STEAP1: variants seen among roughly 807,000 people sequenced by gnomAD.
The protein encoded by STEAP1 is STEAP1 protein.
A neutral mutation model predicts 34.4 loss-of-function variants in STEAP1; 30 were observed. That is an observed-to-expected ratio of 0.87 (90% CI 0.65 to 1.18). STEAP1 has a LOEUF of 1.18. Among genes scored for constraint, STEAP1 ranks in the 50% most tolerant of loss-of-function variants. The pLI is 0.00. For synonymous variants in STEAP1, 116 were observed against 135.3 expected, an observed-to-expected ratio of 0.86 and a Z score of 0.99; for missense variants, 318 against 391.1, an observed-to-expected ratio of 0.81 and a Z score of 1.58.
At chr7:90,157,275 T>C (rs545430467) in intron 1 of STEAP1, among the ~76,000 whole-genome samples, 1 of 152,340 alleles carries the variant, frequency 6.6e-6, no homozygotes, top group African/African-American at 2.4e-5. Flanking sequence ...GACTCTTCTG[T>C]GTCTTTCTCT....
rs147507198 is a variant in STEAP1, at chr7:90,164,531, G to A, written c.817G>A (p.Ala273Thr). Residue 273 changes from alanine to threonine, a missense_variant, in exon 5 of 5, where the codon GCC (alanine) becomes ACC (threonine). By Grantham distance (58) the Ala-to-Thr change is moderately conservative (BLOSUM62 0). Transcript: ENST00000297205. Reference protein sequence around the residue: ...LLGTIHALIFAWNKWIDIKQF... With the variant: ...LLGTIHALIFTWNKWIDIKQF... ...GGGCACAATACACGCATTGATTTTT[G>A]CCTGGAATAAGTGGATAGATATAAA... 3.7e-6 allele frequency: 6 copies of A among 1,612,864 alleles called. No individual in the cohort carries two copies. The African/African-American group carries it at 8.0e-5, about 22-fold the overall frequency.
chr7:90,163,816 C>T (rs1202385440), intron 4 of STEAP1, among the ~76,000 whole-genome samples: 1 of 152,196 alleles, frequency 6.6e-6, no homozygotes, highest in Non-Finnish European at 1.5e-5. Flanking sequence ...TGTTTCATCA[C>T]ATCTCTGGAT....
intron 1 of STEAP1, among the ~76,000 whole-genome samples, chr7:90,158,450 T>TC (rs1308819698): frequency 6.6e-6 from 1 of 151,558 alleles, no homozygotes; most frequent in Non-Finnish European, 1.5e-5. Flanking sequence ...TATTTCTAAT[T>TC]TTTTTTTTCT....
At chr7:90,159,893 A>G (rs1231577891) in intron 2 of STEAP1, 21 bp downstream of exon 2, 1 of 1,378,268 alleles carries the variant, frequency 7.3e-7, no homozygotes, top group African/African-American at 1.5e-5. Flanking sequence ...AATAATAACA[A>G]TAATAAATAA....
At chr7:90,156,647 A>T (rs1794123079) in intron 1 of STEAP1, among the ~76,000 whole-genome samples, 1 of 152,232 alleles carries the variant, frequency 6.6e-6, no homozygotes, top group East Asian at 1.9e-4. Context: ...GCTCCTTATG[A>T]GAATCTAACT....
At chr7:90,162,411 C>T (rs1477342977) in intron 4 of STEAP1, among the ~76,000 whole-genome samples, 1 of 151,954 alleles carries the variant, frequency 6.6e-6, no homozygotes, top group Non-Finnish European at 1.5e-5. Context: ...TCACTGCAAC[C>T]TGCGCCTCCT....
At position 90,159,742 on chromosome 7, in the gene STEAP1, AT is replaced by A. The variant is rs1794157481; in HGVS notation, c.-31-11del. 2 of 1,337,702 alleles carry A rather than the reference AT, an allele frequency of 1.5e-6. No individual in the cohort carries two copies. 82.9% of individuals were successfully genotyped at this position (1,337,702 alleles called of 1,614,324 possible). A position where few individuals can be genotyped will look rare whatever the true frequency, so the allele number is the denominator to read the frequency against. ...AAGTAGAATGGACATGAAAGTAATT[AT>A]TTTTATTTTTACAGGTGGCTGAAGC... On this transcript the variant is annotated splice_polypyrimidine_tract_variant and intron_variant, in intron 1 of 4. Coordinates refer to ENST00000297205, the MANE Select transcript of STEAP1 (RefSeq NM_012449.3).
intron 4 of STEAP1, chr7:90,162,308 T>TTG (rs1554336335): frequency 6.5e-5 from 39 of 596,782 alleles, no homozygotes; most frequent in Middle Eastern, 6.0e-4. Context: ...TGTTTTTTTT[T>TTG]TTTGTTTGTT....
chr7:90,162,705 T>C (rs1355032380), intron 4 of STEAP1, among the ~76,000 whole-genome samples: 2 of 152,180 alleles, frequency 1.3e-5, no homozygotes, highest in African/African-American at 4.8e-5. Flanking sequence ...CCAATATGCA[T>C]GGTTTATTAT....
intron 4 of STEAP1, among the ~76,000 whole-genome samples, chr7:90,162,580 C>T (rs545686825): frequency 2.4e-4 from 36 of 152,190 alleles, no homozygotes; most frequent in Admixed American, 4.6e-4. Flanking sequence ...CCGCCCACCT[C>T]GGCCTCCCAA....
Position 90,161,114 on chromosome 7 carries a change from C to A in STEAP1, c.394C>A (p.Pro132Thr), listed in dbSNP as rs1328823967. ...CACTCTCTTGGCATTGGTTTACCTGCCAGGTGTGATAGCAGCAATTGTCCA... is the reference window on the plus strand; with the variant it reads ...CACTCTCTTGGCATTGGTTTACCTGACAGGTGTGATAGCAGCAATTGTCCA... ...SITLLALVYL[P>T]GVIAAIVQLH... The change falls in exon 3 of 5, where the codon CCA (proline) becomes ACA (threonine). Residue 132 changes from proline (P) to threonine (T), a missense_variant. Pro to Thr is a conservative substitution (Grantham distance 38). Transcript: ENST00000297205. 1 of 1,613,986 alleles carries A rather than the reference C, an allele frequency of 6.2e-7. No individual in the cohort carries two copies.
Position 90,164,239 on chromosome 7 carries a change from C to T in STEAP1, c.763-238C>T, listed in dbSNP as rs576573146. Among the ~76,000 whole-genome samples the T allele has an allele frequency of 3.9e-5, 6 of 152,112 alleles. No individual in the cohort carries two copies. In the East Asian group the frequency reaches 1.2e-3, roughly 29 times the overall value. Reference sequence around the variant, plus strand: ...GACAAAGTTTTTGATCACCTGCCTTCAAAGAAAGGCTGTGAATTTTGTTCA... The same window carrying T: ...GACAAAGTTTTTGATCACCTGCCTTTAAAGAAAGGCTGTGAATTTTGTTCA... On this transcript the variant is annotated intron_variant, in intron 4 of 4. Coordinates refer to ENST00000297205, the MANE Select transcript of STEAP1 (RefSeq NM_012449.3).
At position 90,162,075 on chromosome 7, in the gene STEAP1, T is replaced by A; in HGVS notation, c.759T>A (p.Ile253=). 2 of 1,599,444 alleles carry A rather than the reference T, an allele frequency of 1.3e-6. No individual in the cohort carries two copies. The change falls in exon 4 of 5, where the codon ATT becomes ATA. Residue 253 remains isoleucine, a synonymous_variant. Coordinates refer to ENST00000297205, the MANE Select transcript of STEAP1 (RefSeq NM_012449.3). Reference sequence around the variant, plus strand: ...TGACATGGAGAGAATTTCACTATATTCAGGTAAATAATATATAAAATAACC... The same window carrying A: ...TGACATGGAGAGAATTTCACTATATACAGGTAAATAATATATAAAATAACC... ...DSLTWREFHY[I]QSKLGIVSLL...
At chr7:90,162,937 T>C (rs1288588734) in intron 4 of STEAP1, 1 of 315,264 alleles carries the variant, frequency 3.2e-6, no homozygotes, top group Admixed American at 3.2e-5. Flanking sequence ...ATTTTAAAAA[T>C]ATCTCAGATT....
In STEAP1 at chr7:90,164,579, C is replaced by G. The variant is rs1450129185; in HGVS notation, c.865C>G (p.Pro289Ala). 1 of 1,613,782 alleles carries G rather than the reference C, an allele frequency of 6.2e-7. No homozygotes were observed. The highest frequency in any genetic ancestry group is 1.7e-5 in the Admixed American group (1 of 60,002). ...DIKQFVWYTP[P>A]TFMIAVFLPI... ...AAAACAATTTGTATGGTATACACCTCCAACTTTTATGATAGCTGTTTTCCT... is the reference window on the plus strand; with the variant it reads ...AAAACAATTTGTATGGTATACACCTGCAACTTTTATGATAGCTGTTTTCCT... Residue 289 changes from proline to alanine, a missense_variant, in exon 5 of 5, where the codon CCA becomes GCA. Coordinates refer to ENST00000297205, the MANE Select transcript of STEAP1 (RefSeq NM_012449.3).
At position 90,161,972 on chromosome 7, in the gene STEAP1, A is replaced by T; in HGVS notation, c.656A>T (p.Tyr219Phe). 6.2e-7 allele frequency: 1 copy of T among 1,613,818 alleles called. No homozygotes were observed. The highest frequency in any genetic ancestry group is 8.5e-7 in the Non-Finnish European group (1 of 1,179,800). Residue 219 changes from tyrosine to phenylalanine, a missense_variant, in exon 4 of 5, where the codon TAT becomes TTT. Transcript: ENST00000297205. ...CATGATGTTTGGAGAATGGAGATTTATGTGTCTCTGGGAATTGTGGGATTG... is the reference window on the plus strand; with the variant it reads ...CATGATGTTTGGAGAATGGAGATTTTTGTGTCTCTGGGAATTGTGGGATTG... ...IEHDVWRMEI[Y>F]VSLGIVGLAI...
Position 90,164,552 on chromosome 7 carries a change from A to G in STEAP1, c.838A>G (p.Ile280Val). 2 of 1,613,772 alleles carry G rather than the reference A, an allele frequency of 1.2e-6. No individual in the cohort carries two copies. The highest frequency in any genetic ancestry group is 1.1e-5 in the South Asian group (1 of 91,048). ...TTTTGCCTGGAATAAGTGGATAGAT[A>G]TAAAACAATTTGTATGGTATACACC... ...LIFAWNKWIDIKQFVWYTPPT... is the reference protein window; with the variant it reads ...LIFAWNKWIDVKQFVWYTPPT... Residue 280 changes from isoleucine to valine, a missense_variant, in exon 5 of 5, where the codon ATA becomes GTA. Coordinates refer to ENST00000297205, the MANE Select transcript of STEAP1 (RefSeq NM_012449.3).
At chr7:90,162,813 G>T (rs1321605128) in intron 4 of STEAP1, among the ~76,000 whole-genome samples, 1 of 152,092 alleles carries the variant, frequency 6.6e-6, no homozygotes, top group African/African-American at 2.4e-5. Context: ...CTCTCTCCTT[G>T]AAATAATAGA....
chr7:90,158,517 C>T (rs1794144172), intron 1 of STEAP1, among the ~76,000 whole-genome samples: 1 of 151,752 alleles, frequency 6.6e-6, no homozygotes, highest in South Asian at 2.1e-4. Context: ...CCAGGCCTAC[C>T]CAGGGTCAGG....
Sources: gnomAD v4.1 joint callset for allele counts (sites outside exome capture counted in the v4.1 genomes callset) on GRCh38, gnomAD v4.1.1 for gene constraint, MANE v1.5 for transcripts, NCBI Gene and HGNC (gene_info 2026-07-23, HGNC 2026-07-21) for gene names.